COX10: variants seen among roughly 807,000 people sequenced by gnomAD.
COX10 encodes the protein protoheme IX farnesyltransferase, mitochondrial.
COX10 carries 27 observed loss-of-function variants against 37.3 expected under a neutral mutation model. The observed-to-expected ratio is 0.72, with a 90% CI of 0.53 to 1.00. The LOEUF (loss-of-function observed/expected upper bound fraction) is 1.00. Ranked by LOEUF, COX10 falls within the 50% of genes least tolerant of loss-of-function variation. The pLI is 0.00. For missense variants in COX10, 475 were observed against 563.2 expected, an observed-to-expected ratio of 0.84 and a Z score of 1.59; for synonymous variants, 222 against 229.1, an observed-to-expected ratio of 0.97 and a Z score of 0.28.
intron 5 of COX10, among the ~76,000 whole-genome samples, chr17:14,176,384 C>A (rs562140144): frequency 6.6e-6 from 1 of 152,276 alleles, no homozygotes; most frequent in South Asian, 2.1e-4. Context: ...AAATACATTT[C>A]TGTTTAGCCA....
At chr17:14,090,226 A>G (rs894810938) in intron 3 of COX10, among the ~76,000 whole-genome samples, 1 of 152,014 alleles carries the variant, frequency 6.6e-6, no homozygotes, top group Non-Finnish European at 1.5e-5. Context: ...TGGGTGCTTA[A>G]TAATCATTTT....
At chr17:14,199,556 C>T (rs1052511411) in intron 6 of COX10, among the ~76,000 whole-genome samples, 3 of 152,192 alleles carry the variant, frequency 2.0e-5, no homozygotes, top group African/African-American at 7.2e-5. Flanking sequence ...AGGGCGGCAG[C>T]ACACAATGAG....
At chr17:14,085,548 TC>T (rs1915390855) in intron 3 of COX10, among the ~76,000 whole-genome samples, 1 of 152,224 alleles carries the variant, frequency 6.6e-6, no homozygotes, top group South Asian at 2.1e-4. Context: ...CATATTTTTT[TC>T]TCAAAGTTAG....
chr17:14,075,185 G>A (rs997715639), intron 2 of COX10, among the ~76,000 whole-genome samples: 3 of 152,178 alleles, frequency 2.0e-5, no homozygotes, highest in East Asian at 1.9e-4. Flanking sequence ...AATAAAACTC[G>A]ATATGTTGAT....
chr17:14,074,485 T>C (rs369261621), intron 2 of COX10, 29 bp downstream of exon 2: 13 of 1,466,928 alleles, frequency 8.9e-6, no homozygotes, highest in East Asian at 2.5e-5. Flanking sequence ...TCTTACTCTG[T>C]TACTTTCTGC....
intron 5 of COX10, among the ~76,000 whole-genome samples, chr17:14,171,226 G>T (rs1054693523): frequency 1.3e-5 from 2 of 152,218 alleles, no homozygotes; most frequent in African/African-American, 4.8e-5. Context: ...GTAGAAAAGG[G>T]TGCTAGTTCC....
chr17:14,199,142 T>A (rs1906454608), intron 6 of COX10, among the ~76,000 whole-genome samples: 1 of 151,764 alleles, frequency 6.6e-6, no homozygotes, highest in South Asian at 2.1e-4. Flanking sequence ...GTGGTATAAT[T>A]GGAGGCAAAC....
chr17:14,190,271 C>T (rs1906160374), intron 5 of COX10, among the ~76,000 whole-genome samples: 1 of 152,132 alleles, frequency 6.6e-6, no homozygotes, highest in African/African-American at 2.4e-5. Flanking sequence ...TGAGTGTAAG[C>T]CTTTCCCAGC....
chr17:14,132,969 A>T (rs1029505723), intron 4 of COX10, among the ~76,000 whole-genome samples: 1 of 151,800 alleles, frequency 6.6e-6, no homozygotes, highest in African/African-American at 2.4e-5. Flanking sequence ...TAAAAGAAAC[A>T]GTACAACTCA....
chr17:14,110,523 A>G (rs1915986257), intron 4 of COX10, among the ~76,000 whole-genome samples: 1 of 151,934 alleles, frequency 6.6e-6, no homozygotes, highest in Non-Finnish European at 1.5e-5. Context: ...TTGTGATTAA[A>G]CCTGATTTGG....
chr17:14,107,782 T>G (rs185124608), intron 4 of COX10, among the ~76,000 whole-genome samples: 1 of 152,154 alleles, frequency 6.6e-6, no homozygotes, highest in Non-Finnish European at 1.5e-5. Flanking sequence ...ATCTCCTTAG[T>G]TTTTACAATA....
chr17:14,134,217 CAT>C (rs1320504417), intron 4 of COX10, among the ~76,000 whole-genome samples: 1 of 151,628 alleles, frequency 6.6e-6, no homozygotes. Context: ...CTTTAGAGAA[CAT>C]ATATTTTTAG....
intron 4 of COX10, among the ~76,000 whole-genome samples, chr17:14,133,964 C>T (rs752872329): frequency 7.3e-5 from 11 of 151,470 alleles, no homozygotes; most frequent in Non-Finnish European, 1.6e-4. Flanking sequence ...TGATGGATGA[C>T]TTTTACTAAG....
chr17:14,179,113 T>C (rs1905776083), intron 5 of COX10: 1 of 218,162 alleles, frequency 4.6e-6, no homozygotes, highest in Non-Finnish European at 7.8e-6. Context: ...AAGAGATTCT[T>C]AATATTTACC....
intron 4 of COX10, among the ~76,000 whole-genome samples, chr17:14,159,520 T>C (rs1024200246): frequency 2.6e-5 from 4 of 152,180 alleles, no homozygotes; most frequent in African/African-American, 7.2e-5. Flanking sequence ...AGGCAGGTTC[T>C]GGAGGGCCTA....
Position 14,207,736 on chromosome 17 carries a change from A to G in COX10, c.*523A>G, listed in dbSNP as rs1424315688. On this transcript the variant is annotated 3_prime_UTR_variant, in exon 7 of 7. Transcript: ENST00000261643. ...GTTTTCCCCACCCCACACATTCTCA[A>G]CCATAGTCCTTCTAACAATACCAAT... 6.5e-6 allele frequency: 1 copy of G among 153,886 alleles called. No individual in the cohort carries two copies. Among genetic ancestry groups the G allele is most frequent in the Non-Finnish European group, 1.4e-5 (1 of 69,334 alleles). 9.5% of individuals were successfully genotyped at this position (153,886 alleles called of 1,614,324 possible). A position where few individuals can be genotyped will look rare whatever the true frequency, so the allele number is the denominator to read the frequency against.
intron 5 of COX10, among the ~76,000 whole-genome samples, chr17:14,161,381 A>G (rs1905168018): frequency 6.6e-6 from 1 of 152,212 alleles, no homozygotes. Context: ...TGGAACTATC[A>G]CTTTAATCTT....
chr17:14,164,834 A>G (rs540629296), intron 5 of COX10, among the ~76,000 whole-genome samples: 1 of 152,336 alleles, frequency 6.6e-6, no homozygotes, highest in Non-Finnish European at 1.5e-5. Context: ...AGTGAAAGAA[A>G]GGAGAGGTGT....
At chr17:14,180,662 A>G (rs1191911314) in intron 5 of COX10, among the ~76,000 whole-genome samples, 1 of 152,238 alleles carries the variant, frequency 6.6e-6, no homozygotes, top group Non-Finnish European at 1.5e-5. Flanking sequence ...ATGAAGAGTT[A>G]ACTGTCATAG....
Sources: allele counts gnomAD v4.1 joint callset (sites outside exome capture counted in the v4.1 genomes callset), GRCh38; gene constraint gnomAD v4.1.1; transcripts MANE v1.5; gene names NCBI Gene and HGNC (gene_info 2026-07-23, HGNC 2026-07-21).